The following CRIM1 variants were observed in gnomAD, a reference collection of about 807,000 sequenced individuals.
The protein encoded by CRIM1 is cysteine-rich motor neuron 1 protein.
CRIM1 carries 32 observed loss-of-function variants against 116.4 expected under a neutral mutation model. The ratio of observed to expected loss-of-function variants is 0.27; its 90% CI spans 0.21 to 0.37. The LOEUF (loss-of-function observed/expected upper bound fraction) is 0.37. CRIM1 is among the 10% of genes least tolerant of loss of function. The probability of loss-of-function intolerance (pLI) is 1.00; values close to 1 mark genes in which losing one functional copy is unlikely to be tolerated. For synonymous variants in CRIM1, 590 were observed against 509.2 expected (o/e 1.16, Z -2.13); for missense variants, 1,331 against 1,354.8 (o/e 0.98, Z 0.28).
At chr2:36,548,011 A>G (rs1023403207) in intron 16 of CRIM1, among the ~76,000 whole-genome samples, 1 of 152,198 alleles carries the variant, frequency 6.6e-6, no homozygotes, top group Non-Finnish European at 1.5e-5. Context: ...TTCTTTGAAC[A>G]AATGTACATT....
intron 1 of CRIM1, among the ~76,000 whole-genome samples, chr2:36,376,919 C>T (rs991308925): frequency 6.6e-6 from 1 of 152,140 alleles, no homozygotes; most frequent in African/African-American, 2.4e-5. Flanking sequence ...GAGTTTGTGA[C>T]CCCCATGTGT....
At chr2:36,408,349 G>A (rs1363715679) in intron 2 of CRIM1, among the ~76,000 whole-genome samples, 2 of 152,202 alleles carry the variant, frequency 1.3e-5, no homozygotes, top group East Asian at 3.9e-4. Context: ...GGCTGTAGGT[G>A]ACCTCTCAGT....
At chr2:36,536,077 C>G (rs1341766057) in intron 13 of CRIM1, among the ~76,000 whole-genome samples, 1 of 152,184 alleles carries the variant, frequency 6.6e-6, no homozygotes, top group Non-Finnish European at 1.5e-5. Context: ...GCATTTCTGT[C>G]TGTGACCTTC....
At chr2:36,541,235 A>G (rs546761064) in intron 14 of CRIM1, among the ~76,000 whole-genome samples, 2 of 152,262 alleles carry the variant, frequency 1.3e-5, no homozygotes, top group African/African-American at 4.8e-5. Context: ...TGCTGTGAGG[A>G]TTATACCATC....
intron 1 of CRIM1, among the ~76,000 whole-genome samples, chr2:36,374,678 G>GA (rs768616606): frequency 1.2e-4 from 18 of 151,588 alleles, no homozygotes; most frequent in East Asian, 9.7e-4. Flanking sequence ...AGCAAGAAAG[G>GA]AAAAAAAATT....
chr2:36,499,315 A>G lies in CRIM1; in HGVS notation c.1469A>G (p.His490Arg). Residue 490 changes from histidine to arginine, a missense_variant, in exon 8 of 17, where the codon CAC (histidine) becomes CGC (arginine). By Grantham distance (29) the His-to-Arg change is conservative. This residue lies in a region of CRIM1 where 690 missense variants were observed against 676.0 expected (regional missense o/e 1.02). Coordinates refer to ENST00000280527, the MANE Select transcript of CRIM1 (RefSeq NM_016441.3). ...TGCATTAATGGTTTCAAACGCGATCACAATGGTTGTCGGACCTGTCAGTGC... is the reference window on the plus strand; with the variant it reads ...TGCATTAATGGTTTCAAACGCGATCGCAATGGTTGTCGGACCTGTCAGTGC... Reference protein sequence around the residue: ...KDCINGFKRDHNGCRTCQCIN... With the variant: ...KDCINGFKRDRNGCRTCQCIN... The G allele has an allele frequency of 6.2e-7, 1 of 1,614,182 alleles. No individual in the cohort carries two copies. Among genetic ancestry groups the G allele is most frequent in the Non-Finnish European group, 8.5e-7 (1 of 1,180,010 alleles).
At chr2:36,541,355 A>G (rs1666931072) in intron 14 of CRIM1, among the ~76,000 whole-genome samples, 1 of 152,170 alleles carries the variant, frequency 6.6e-6, no homozygotes, top group Admixed American at 6.5e-5. Flanking sequence ...TCTTTACAAA[A>G]CAGTTTCACC....
At chr2:36,466,637 C>T (rs1176221796) in intron 5 of CRIM1, among the ~76,000 whole-genome samples, 5 of 152,206 alleles carry the variant, frequency 3.3e-5, no homozygotes, top group Admixed American at 6.5e-5. Context: ...GAGTCTGTCA[C>T]ATTCATCCTT....
chr2:36,512,250 C>G, intron 9 of CRIM1, 23 bp from the exon 10 acceptor site: 3 of 1,607,808 alleles, frequency 1.9e-6, no homozygotes, highest in African/African-American at 1.3e-5. Flanking sequence ...TTTCTGACCT[C>G]TGACAAAATT....
intron 1 of CRIM1, among the ~76,000 whole-genome samples, chr2:36,365,709 G>T (rs527308153): frequency 1.3e-5 from 2 of 151,752 alleles, no homozygotes; most frequent in East Asian, 3.9e-4. Flanking sequence ...CCCATTTTAG[G>T]AGAACAGAAC....
At chr2:36,422,966 ACTTTCTTTCAAATGAGCTTTT>A (rs1674181816) in intron 2 of CRIM1, among the ~76,000 whole-genome samples, 3 of 152,190 alleles carry the variant, frequency 2.0e-5, no homozygotes, top group African/African-American at 7.2e-5. Context: ...AGCCTGCTTT[ACTTTCTTTCAAATGAGCTTTT>A]AAGCATATAA....
At chr2:36,483,121 T>C (rs1572843552) in intron 7 of CRIM1, among the ~76,000 whole-genome samples, 1 of 152,222 alleles carries the variant, frequency 6.6e-6, no homozygotes, top group Admixed American at 6.5e-5. Context: ...GTCTGTTAAC[T>C]GATTATATTC....
In CRIM1 at chr2:36,509,998, C is replaced by T; in HGVS notation, c.1517C>T (p.Ser506Leu). Reference protein sequence around the residue: ...CQCINTEELCSERKQGCTLNC... With the variant: ...CQCINTEELCLERKQGCTLNC... ...GTCTTCACAGCCGAGGAACTATGTT[C>T]AGAACGTAAACAAGGCTGCACCTTG... is the stretch of plus-strand genomic sequence containing the variant. Residue 506 changes from serine (S) to leucine (L), a missense_variant, in exon 9 of 17, where the codon TCA becomes TTA. Around this residue, in one of 3 missense-constraint regions of CRIM1, gnomAD observed 690 missense variants for 676.0 expected, o/e 1.02. Coordinates refer to ENST00000280527, the MANE Select transcript of CRIM1 (RefSeq NM_016441.3). 1 of 1,613,898 alleles carries T rather than the reference C, an allele frequency of 6.2e-7. No homozygotes were observed. The highest frequency in any genetic ancestry group is 8.5e-7 in the Non-Finnish European group (1 of 1,179,894).
rs760995993 is a variant in CRIM1, at chr2:36,356,346, C to T, written c.54C>T (p.Val18=). The change falls in exon 1 of 17, where the codon GTC becomes GTT. Residue 18 remains valine, a synonymous_variant. Transcript: ENST00000280527. This position sits in a 1 kb window ranked among gnomAD's most constrained non-coding sequence, Gnocchi z 4.3. ...TGGCCGGCTGCGGGCACCTCCTGGT[C>T]TCGCTGCTGGGGCTGCTGCTGCTGC... ...RGLAGCGHLL[V]SLLGLLLLLA... 3 of 1,591,156 alleles carry T rather than the reference C, an allele frequency of 1.9e-6. No individual in the cohort carries two copies. The highest frequency in any genetic ancestry group is 4.6e-5 in the East Asian group (2 of 43,874).
At chr2:36,534,263 GAA>G (rs1666340525) in intron 13 of CRIM1, among the ~76,000 whole-genome samples, 1 of 131,114 alleles carries the variant, frequency 7.6e-6, no homozygotes, top group South Asian at 2.7e-4. Flanking sequence ...AAGGAGGAAA[GAA>G]AGGATGGAGG....
intron 13 of CRIM1, among the ~76,000 whole-genome samples, chr2:36,536,050 A>G (rs1666528333): frequency 6.6e-6 from 1 of 152,218 alleles, no homozygotes; most frequent in Non-Finnish European, 1.5e-5. Flanking sequence ...GAAAATGTAG[A>G]GACCACAGAT....
intron 14 of CRIM1, 58 bp downstream of exon 14, chr2:36,537,604 C>A: frequency 6.7e-7 from 1 of 1,488,960 alleles, no homozygotes; most frequent in Non-Finnish European, 9.0e-7. Context: ...AAGATGAAAT[C>A]GAAGCAGAGC....
chr2:36,408,031 C>T (rs1672941741), intron 2 of CRIM1, among the ~76,000 whole-genome samples: 1 of 152,132 alleles, frequency 6.6e-6, no homozygotes, highest in Non-Finnish European at 1.5e-5. Context: ...CATACCTAAT[C>T]CCAGGTTGGT....
intron 9 of CRIM1, 137 bp downstream of exon 9, chr2:36,510,276 G>T (rs899158204): frequency 2.5e-6 from 2 of 786,270 alleles, no homozygotes; most frequent in Non-Finnish European, 3.9e-6. Flanking sequence ...GTTTTGTTAG[G>T]TGATTCAGAA....
Sources: gnomAD v4.1 joint callset for allele counts (sites outside exome capture counted in the v4.1 genomes callset) on GRCh38, gnomAD v4.1.1 for gene constraint, gnomAD v4.1.1 regional missense constraint, Gnocchi (gnomAD v3.1) non-coding constraint, MANE v1.5 for transcripts, NCBI Gene and HGNC (gene_info 2026-07-23, HGNC 2026-07-21) for gene names.